ERC1: variants seen among roughly 807,000 people sequenced by gnomAD.
ERC1 encodes RAB6 interacting protein 2.
In ERC1, 56 loss-of-function variants were observed where a neutral mutation model predicts 132.0. That is an observed-to-expected ratio of 0.42 (90% CI 0.34 to 0.53). The LOEUF is 0.53. Ranked by LOEUF, ERC1 falls within the 20% of genes least tolerant of loss-of-function variation. The pLI is 0.03. For missense variants in ERC1, 1,202 were observed against 1,349.9 expected (o/e 0.89, Z 1.72); for synonymous variants, 478 against 476.1 (o/e 1.00, Z -0.05).
intron 16 of ERC1, among the ~76,000 whole-genome samples, chr12:1,395,571 A>G (rs1438879377): frequency 1.3e-5 from 2 of 152,350 alleles, no homozygotes; most frequent in African/African-American, 4.8e-5. Flanking sequence ...GGAATTAACC[A>G]TTAAGATGAA....
chr12:1,179,054 A>AT (rs1421395193), intron 8 of ERC1, among the ~76,000 whole-genome samples: 2 of 152,140 alleles, frequency 1.3e-5, no homozygotes, highest in Admixed American at 6.5e-5. Context: ...AGTTTGCTTG[A>AT]TTTTTTAATT....
intron 18 of ERC1, among the ~76,000 whole-genome samples, chr12:1,489,481 T>C (rs1323400922): frequency 6.6e-6 from 1 of 152,222 alleles, no homozygotes; most frequent in Non-Finnish European, 1.5e-5. Context: ...CCATCAGCTT[T>C]CACCACCCAG....
intron 7 of ERC1, among the ~76,000 whole-genome samples, chr12:1,122,243 C>CTCTATCTCTA (rs2154219704): frequency 1.3e-4 from 1 of 7,574 alleles, no homozygotes; most frequent in Non-Finnish European, 3.0e-4. Flanking sequence ...CTATCTGTGT[C>CTCTATCTCTA]TCTATCTCTA....
chr12:1,057,520 T>C (rs1223874581), intron 2 of ERC1, among the ~76,000 whole-genome samples: 1 of 151,540 alleles, frequency 6.6e-6, no homozygotes, highest in Non-Finnish European at 1.5e-5. Flanking sequence ...TTATGACTTT[T>C]ATTGTACTTT....
At chr12:1,148,687 C>T (rs565475943) in intron 8 of ERC1, among the ~76,000 whole-genome samples, 32 of 152,238 alleles carry the variant, frequency 2.1e-4, no homozygotes, top group Admixed American at 1.3e-3. Flanking sequence ...CTGCAACCTC[C>T]GCCTCCCGGG....
chr12:1,285,710 A>G (rs1329517807), intron 14 of ERC1, among the ~76,000 whole-genome samples: 1 of 152,236 alleles, frequency 6.6e-6, no homozygotes, highest in Non-Finnish European at 1.5e-5. Context: ...CTTTTGGCAA[A>G]TATACAAGGA....
intron 14 of ERC1, among the ~76,000 whole-genome samples, chr12:1,284,758 A>G (rs2078932940): frequency 6.6e-6 from 1 of 151,908 alleles, no homozygotes; most frequent in Non-Finnish European, 1.5e-5. Context: ...GCAGCTGCAA[A>G]CTCCTGGGCT....
intron 16 of ERC1, among the ~76,000 whole-genome samples, chr12:1,384,310 G>C (rs1184906783): frequency 2.0e-5 from 3 of 152,150 alleles, no homozygotes; most frequent in Non-Finnish European, 4.4e-5. Flanking sequence ...CTTATAAATA[G>C]TTGACTGGAT....
intron 11 of ERC1, among the ~76,000 whole-genome samples, chr12:1,186,876 G>A (rs146222037): frequency 0.011 from 1,615 of 152,216 alleles, 32 homozygotes; most frequent in African/African-American, 0.036. Context: ...TGTTGCCCAG[G>A]CTGGAGTGCA....
rs996856452 is a variant in ERC1 at position 1,484,259 on chromosome 12, C to T, written c.3214-5834C>T. Among the ~76,000 whole-genome samples, 13 of 151,460 alleles carry T rather than the reference C, an allele frequency of 8.6e-5. No homozygotes were observed. The East Asian group carries it at 1.4e-3, about 16-fold the overall frequency. On this transcript the variant is annotated intron_variant, in intron 18 of 18. Coordinates refer to ENST00000360905, the MANE Select transcript of ERC1 (RefSeq NM_178040.4). ...TGTGGAGCTTGCAGTGAGCCGAGATCGCACCACTGCACTCCAGCCTGGTGA... is the reference window on the plus strand; with the variant it reads ...TGTGGAGCTTGCAGTGAGCCGAGATTGCACCACTGCACTCCAGCCTGGTGA...
At chr12:1,404,300 T>C (rs909663497) in intron 16 of ERC1, among the ~76,000 whole-genome samples, 1 of 152,048 alleles carries the variant, frequency 6.6e-6, no homozygotes, top group Non-Finnish European at 1.5e-5. Flanking sequence ...TATTTACTCA[T>C]CCATTTATTT....
chr12:1,037,580 C>T (rs2154156294), intron 2 of ERC1, among the ~76,000 whole-genome samples: 1 of 152,262 alleles, frequency 6.6e-6, no homozygotes, highest in South Asian at 2.1e-4. Context: ...GAAGAGAAGA[C>T]TTGCAACATT....
intron 14 of ERC1, among the ~76,000 whole-genome samples, chr12:1,268,989 T>C (rs1056368014): frequency 1.3e-5 from 2 of 152,206 alleles, no homozygotes; most frequent in Admixed American, 6.5e-5. Flanking sequence ...TCATGCTGAA[T>C]GAAGCATGTT....
chr12:1,158,945 T>A (rs960924399), intron 8 of ERC1, among the ~76,000 whole-genome samples: 2 of 150,956 alleles, frequency 1.3e-5, no homozygotes, highest in African/African-American at 5.0e-5. Context: ...ATCACTCAAG[T>A]TAAGTAAACA....
At chr12:1,451,589 C>T (rs575943593) in intron 18 of ERC1, among the ~76,000 whole-genome samples, 2 of 152,262 alleles carry the variant, frequency 1.3e-5, no homozygotes, top group South Asian at 4.1e-4. Flanking sequence ...CACGCCACTG[C>T]ACTCCAACCT....
At chr12:1,053,658 T>A (rs534531442) in intron 2 of ERC1, among the ~76,000 whole-genome samples, 21 of 152,358 alleles carry the variant, frequency 1.4e-4, no homozygotes, top group African/African-American at 4.6e-4. Context: ...CTTTCTAGAC[T>A]CTTCTATTTG....
chr12:1,077,029 T>C (rs1941462406), intron 2 of ERC1, among the ~76,000 whole-genome samples: 1 of 152,210 alleles, frequency 6.6e-6, no homozygotes, highest in Non-Finnish European at 1.5e-5. Context: ...TCTTTAAAAC[T>C]CTTTTGCGTG....
chr12:1,336,245 G>T (rs1399693811), intron 15 of ERC1, among the ~76,000 whole-genome samples: 1 of 151,688 alleles, frequency 6.6e-6, no homozygotes, highest in Non-Finnish European at 1.5e-5. Flanking sequence ...TCATGTCTCA[G>T]TGTCCCTCAG....
At chr12:1,212,985 A>C (rs1405393830) in intron 12 of ERC1, among the ~76,000 whole-genome samples, 1 of 152,248 alleles carries the variant, frequency 6.6e-6, no homozygotes, top group Non-Finnish European at 1.5e-5. Flanking sequence ...AAGCTTAGAT[A>C]AATGTGATCC....
Sources: allele counts gnomAD v4.1 joint callset (sites outside exome capture counted in the v4.1 genomes callset), GRCh38; gene constraint gnomAD v4.1.1; transcripts MANE v1.5; gene names NCBI Gene and HGNC (gene_info 2026-07-23, HGNC 2026-07-21).